Variants in GNG2 observed in about 807,000 individuals in gnomAD.
GNG2 encodes G protein subunit gamma 2, also known as guanine nucleotide-binding protein G(I)/G(S)/G(O) subunit gamma-2.
A neutral mutation model predicts 5.5 loss-of-function variants in GNG2; 5 were observed. The ratio of observed to expected loss-of-function variants is 0.91; its 90% confidence interval spans 0.48 to 1.92. The LOEUF (loss-of-function observed/expected upper bound fraction) is 1.92, where lower values mean the gene tolerates loss of function less well. Ranked by LOEUF, GNG2 falls within the 30% of genes most tolerant of loss-of-function variation. The pLI, the probability that GNG2 is intolerant of heterozygous loss-of-function variation, is 0.01. For missense variants in GNG2, 55 were observed against 88.4 expected, an observed-to-expected ratio of 0.62 and a Z score of 1.52; for synonymous variants, 28 against 32.0, an observed-to-expected ratio of 0.88 and a Z score of 0.42.
chr14:51,879,571 T>C (rs1186944322), intron 2 of GNG2, among the ~76,000 whole-genome samples: 6 of 152,170 alleles, frequency 3.9e-5, no homozygotes, highest in Non-Finnish European at 7.4e-5. Context: ...AAAAGCAAAA[T>C]ATCAACAAGA....
chr14:51,849,318 C>G (rs980095795), intron 2 of GNG2, among the ~76,000 whole-genome samples: 1 of 152,226 alleles, frequency 6.6e-6, no homozygotes, highest in Non-Finnish European at 1.5e-5. Context: ...GTGGAAGCTA[C>G]AGGGCCTGTT....
chr14:51,926,424 T>C (rs374779653), intron 2 of GNG2, among the ~76,000 whole-genome samples: 6 of 152,250 alleles, frequency 3.9e-5, no homozygotes, highest in African/African-American at 9.6e-5. Flanking sequence ...AGTTTATATC[T>C]GACTGTAGAA....
At position 51,967,693 on chromosome 14, in the gene GNG2, G is replaced by A. The variant is rs1232533679; in HGVS notation, c.*1006G>A. On this transcript the variant is annotated 3_prime_UTR_variant, in exon 4 of 4. Coordinates refer to ENST00000556766, the MANE Select transcript of GNG2 (RefSeq NM_053064.5). ...GCATTTTGGTTTATCCAGGACCCAGGGCAGCACAGCTGTCACCAAGCAGGA... is the reference window on the plus strand; with the variant it reads ...GCATTTTGGTTTATCCAGGACCCAGAGCAGCACAGCTGTCACCAAGCAGGA... The A allele has an allele frequency of 6.6e-6, 1 of 151,964 alleles. No individual in the cohort carries two copies. Among genetic ancestry groups the A allele is most frequent in the Non-Finnish European group, 1.5e-5 (1 of 68,010 alleles). The allele number at this position is 151,964 out of a possible 1,614,324, so 9.4% of individuals were successfully genotyped here.
At chr14:51,871,251 G>GA (rs572687513) in intron 1 of GNG2, among the ~76,000 whole-genome samples, 1 of 146,314 alleles carries the variant, frequency 6.8e-6, no homozygotes, top group Non-Finnish European at 1.5e-5. Flanking sequence ...TTTTTCTTTG[G>GA]AAAAAAGTTG....
intron 2 of GNG2, among the ~76,000 whole-genome samples, chr14:51,887,380 A>G (rs1476528472): frequency 6.6e-6 from 1 of 152,176 alleles, no homozygotes; most frequent in East Asian, 1.9e-4. Flanking sequence ...TTTGAATCTC[A>G]AGTGAATTAT....
intron 1 of GNG2, among the ~76,000 whole-genome samples, chr14:51,866,869 T>C (rs1882931325): frequency 6.6e-6 from 1 of 152,204 alleles, no homozygotes; most frequent in African/African-American, 2.4e-5. Context: ...CATCATTCAT[T>C]CTCCTCTTCC....
At chr14:51,908,247 A>T (rs1886060779) in intron 2 of GNG2, among the ~76,000 whole-genome samples, 1 of 152,202 alleles carries the variant, frequency 6.6e-6, no homozygotes, top group Non-Finnish European at 1.5e-5. Context: ...CTTTTCCCAG[A>T]GCAAGCGATC....
At position 51,903,471 on chromosome 14, in the gene GNG2, C is replaced by T. The variant is rs149579250; in HGVS notation, c.-30+25814C>T. ...ATTTAATATGTGGTTTGAGCAAGGG[C>T]GTGGACTTATGTGCTCACAGCTGCT... On this transcript the variant is annotated intron_variant, in intron 2 of 3. Transcript: ENST00000556766. Among the ~76,000 whole-genome samples, 35 of 152,214 alleles carry T rather than the reference C, an allele frequency of 2.3e-4. 1 individual carries two copies. In the South Asian group the frequency reaches 3.5e-3, roughly 15 times the overall value.
At position 51,915,422 on chromosome 14, in the gene GNG2, G is replaced by A. The variant is rs540077056; in HGVS notation, c.-29-35228G>A. The stretch of plus-strand genomic sequence containing the variant: ...GTTACTGCCCTAAATAGGATGAATG[G>A]AACAAAGAGCATAAATGAATTCACA... On this transcript the variant is annotated intron_variant, in intron 2 of 3. Coordinates refer to ENST00000556766, the MANE Select transcript of GNG2 (RefSeq NM_053064.5). Among the ~76,000 whole-genome samples, 21 of 152,270 alleles carry A rather than the reference G, an allele frequency of 1.4e-4. No individual in the cohort carries two copies. In the South Asian group the frequency reaches 3.7e-3, roughly 27 times the overall value.
chr14:51,912,844 G>T (rs1886373139), intron 2 of GNG2, among the ~76,000 whole-genome samples: 1 of 151,622 alleles, frequency 6.6e-6, no homozygotes, highest in Admixed American at 6.6e-5. Flanking sequence ...TGGTTTTGGG[G>T]GTGGGGGTGG....
chr14:51,895,618 C>T (rs1224851303), intron 2 of GNG2, among the ~76,000 whole-genome samples: 2 of 152,168 alleles, frequency 1.3e-5, no homozygotes, highest in Non-Finnish European at 2.9e-5. Flanking sequence ...ACAACATCTG[C>T]AGCTCTTTTT....
chr14:51,968,038 G>A lies in GNG2; in HGVS notation c.*1351G>A, dbSNP rs1890023070. 1 of 152,096 alleles carries A rather than the reference G, an allele frequency of 6.6e-6. No homozygotes were observed. The highest frequency in any genetic ancestry group is 2.1e-4 in the South Asian group (1 of 4,832). The allele number at this position is 152,096 out of a possible 1,614,324, so 9.4% of individuals were successfully genotyped here. ...TCTTTTGTCCACTGAGATGGTCTTG[G>A]TTTTTCACTTAACAAATTTTTTAAT... is the stretch of plus-strand genomic sequence containing the variant. On this transcript the variant is annotated 3_prime_UTR_variant, in exon 4 of 4. Coordinates refer to ENST00000556766, the MANE Select transcript of GNG2 (RefSeq NM_053064.5).
intron 3 of GNG2, among the ~76,000 whole-genome samples, chr14:51,957,497 G>A (rs1889341679): frequency 6.6e-6 from 1 of 152,084 alleles, no homozygotes; most frequent in Admixed American, 6.5e-5. Flanking sequence ...AAACAATTTT[G>A]TTTTCTCCTG....
At chr14:51,946,589 C>T (rs1888657224) in intron 2 of GNG2, among the ~76,000 whole-genome samples, 1 of 152,136 alleles carries the variant, frequency 6.6e-6, no homozygotes, top group Non-Finnish European at 1.5e-5. Context: ...GCTCCAGCTC[C>T]ACCCCAGTGT....
At chr14:51,837,580 G>A (rs1161761609) in intron 2 of GNG2, among the ~76,000 whole-genome samples, 1 of 151,432 alleles carries the variant, frequency 6.6e-6, no homozygotes, top group Non-Finnish European at 1.5e-5. Flanking sequence ...CCAGGACGCA[G>A]AGGCCGCAGT....
At chr14:51,917,844 G>A (rs569809397) in intron 2 of GNG2, among the ~76,000 whole-genome samples, 29 of 152,228 alleles carry the variant, frequency 1.9e-4, no homozygotes, top group African/African-American at 6.0e-4. Flanking sequence ...TGGCCAACAC[G>A]TTGAAATCCT....
At chr14:51,887,581 G>A (rs1274635726) in intron 2 of GNG2, among the ~76,000 whole-genome samples, 3 of 152,198 alleles carry the variant, frequency 2.0e-5, no homozygotes, top group Non-Finnish European at 4.4e-5. Flanking sequence ...TTCTGTGGAT[G>A]GGAAAATTCC....
At chr14:51,919,639 G>A (rs949516123) in intron 2 of GNG2, among the ~76,000 whole-genome samples, 12 of 152,202 alleles carry the variant, frequency 7.9e-5, no homozygotes, top group African/African-American at 1.9e-4. Flanking sequence ...CCTGGACCCT[G>A]AATGAAAGGT....
chr14:51,880,970 A>AG (rs1884021069), intron 2 of GNG2, among the ~76,000 whole-genome samples: 1 of 142,558 alleles, frequency 7.0e-6, no homozygotes, highest in African/African-American at 2.5e-5. Flanking sequence ...AAAAAAAGAA[A>AG]AAAAAAAAAA....
Sources: gnomAD v4.1 joint callset for allele counts (sites outside exome capture counted in the v4.1 genomes callset) on GRCh38, gnomAD v4.1.1 for gene constraint, MANE v1.5 for transcripts, NCBI Gene and HGNC (gene_info 2026-07-23, HGNC 2026-07-21) for gene names.